ABCC6: variants seen among roughly 807,000 people sequenced by gnomAD.
ABCC6 encodes ATP-binding cassette sub-family C member 6.
Under a neutral mutation model 169.5 loss-of-function variants are expected in ABCC6, and 126 were observed. That is an observed-to-expected ratio of 0.74 (90% CI 0.64 to 0.86). The LOEUF is 0.86. Ranked by LOEUF, ABCC6 falls within the 40% of genes least tolerant of loss-of-function variation. The pLI is 0.00. For synonymous variants in ABCC6, 752 were observed against 814.7 expected, an observed-to-expected ratio of 0.92 and a Z score of 1.31; for missense variants, 1,733 against 1,927.2, an observed-to-expected ratio of 0.90 and a Z score of 1.89.
chr16:16,156,942 CAAAAA>C (rs33984541), intron 27 of ABCC6, among the ~76,000 whole-genome samples: 1 of 101,160 alleles, frequency 9.9e-6, no homozygotes, highest in Admixed American at 1.2e-4. Flanking sequence ...GACTCTGTCT[CAAAAA>C]AAAAAAAAAA....
chr16:16,175,832 G>T, intron 20 of ABCC6, 79 bp downstream of exon 20: 1 of 1,525,688 alleles, frequency 6.6e-7, no homozygotes, highest in Non-Finnish European at 9.0e-7. Context: ...CCGCCTAACT[G>T]CCCGAGATGC....
At chr16:16,176,044 C>A in intron 19 of ABCC6, 58 bp from the exon 20 acceptor site, 4 of 1,538,804 alleles carry the variant, frequency 2.6e-6, no homozygotes, top group Non-Finnish European at 2.7e-6. Flanking sequence ...CTTTGACACC[C>A]ACTGACTATG....
intron 20 of ABCC6, among the ~76,000 whole-genome samples, chr16:16,174,090 A>G (rs2047194688): frequency 6.6e-6 from 1 of 152,168 alleles, no homozygotes; most frequent in Non-Finnish European, 1.5e-5. Flanking sequence ...ATATCTACAT[A>G]TACATGTCTA....
chr16:16,188,953 C>T lies in ABCC6; in HGVS notation c.1657G>A (p.Val553Ile), dbSNP rs558508305. 8 of 1,614,050 alleles carry T rather than the reference C, an allele frequency of 5.0e-6. No individual in the cohort carries two copies. The South Asian group carries it at 7.7e-5, about 16-fold the overall frequency. ...TFLVALVVFAVHTLVAENAMN... is the reference protein window; with the variant it reads ...TFLVALVVFAIHTLVAENAMN... ...GCATTCTCGGCCACCAGAGTGTGGA[C>T]AGCAAACACCACCAGTGCGACCTGG... The change falls in exon 13 of 31, where the codon GTC becomes ATC. Residue 553 changes from valine to isoleucine, a missense_variant. This residue lies in a region of ABCC6 where 1,601 missense variants were observed against 1,635.5 expected (regional missense o/e 0.98). Transcript: ENST00000205557.
chr16:16,157,816 C>G lies in ABCC6; in HGVS notation c.3736-7G>C. ...TGGGCAGCCTCCAGGGAGCCTGGAG[C>G]AGGAGGGGAAACTGAGTCAGAGGAG... On this transcript the variant is annotated splice_polypyrimidine_tract_variant and splice_region_variant and intron_variant, in intron 26 of 30. Coordinates refer to ENST00000205557, the MANE Select transcript of ABCC6 (RefSeq NM_001171.6). The G allele has an allele frequency of 1.9e-6, 3 of 1,607,986 alleles. No individual in the cohort carries two copies. Among genetic ancestry groups the G allele is most frequent in the Non-Finnish European group, 2.5e-6 (3 of 1,178,738 alleles).
At chr16:16,194,468 G>A (rs1013799944) in intron 10 of ABCC6, among the ~76,000 whole-genome samples, 3 of 152,164 alleles carry the variant, frequency 2.0e-5, no homozygotes, top group Non-Finnish European at 4.4e-5. Context: ...CACCAACGTG[G>A]TGATTTTGGG....
At chr16:16,206,576 G>A (rs1317902009) in intron 7 of ABCC6, among the ~76,000 whole-genome samples, 1 of 151,960 alleles carries the variant, frequency 6.6e-6, no homozygotes, top group African/African-American at 2.4e-5. Context: ...AAATACTTCA[G>A]AAAGAAAACC....
At chr16:16,169,883 G>T in intron 21 of ABCC6, 30 bp from the exon 22 acceptor site, 2 of 1,549,070 alleles carry the variant, frequency 1.3e-6, no homozygotes. Flanking sequence ...GAGGGAGGCA[G>T]AGAGAGCCCC....
intron 17 of ABCC6, among the ~76,000 whole-genome samples, chr16:16,180,625 T>C (rs556151662): frequency 1.3e-5 from 2 of 152,252 alleles, no homozygotes; most frequent in Admixed American, 6.5e-5. Flanking sequence ...CCCAAGTAGC[T>C]GGGATTACAG....
intron 12 of ABCC6, among the ~76,000 whole-genome samples, chr16:16,189,347 T>G (rs2047762791): frequency 6.6e-6 from 1 of 151,954 alleles, no homozygotes; most frequent in Non-Finnish European, 1.5e-5. Context: ...CTAGAGTCCC[T>G]TGGAAGATGA....
At chr16:16,203,940 G>A (rs1194681604) in intron 7 of ABCC6, among the ~76,000 whole-genome samples, 2 of 152,180 alleles carry the variant, frequency 1.3e-5, no homozygotes, top group Non-Finnish European at 2.9e-5. Context: ...TTTCACAGAT[G>A]AGAAAACTGG....
rs2046796013 is a variant in ABCC6 at position 16,163,674 on chromosome 16, C to T, written c.3307-482G>A. ...CTCATGTAACCCAAGGGTTACATGC[C>T]AGGTGATGTGCAGAAAATATTCGTT... On this transcript the variant is annotated intron_variant, in intron 23 of 30. Coordinates refer to ENST00000205557, the MANE Select transcript of ABCC6 (RefSeq NM_001171.6). Among the ~76,000 whole-genome samples, 4 of 152,248 alleles carry T rather than the reference C, an allele frequency of 2.6e-5. No individual in the cohort carries two copies. In the South Asian group the frequency reaches 8.3e-4, roughly 32 times the overall value.
chr16:16,182,654 G>A (rs964715834), intron 16 of ABCC6, 66 bp from the exon 17 acceptor site: 35 of 1,594,628 alleles, frequency 2.2e-5, no homozygotes, highest in Non-Finnish European at 3.0e-5. Context: ...GTTTTGAGGA[G>A]CAGTGGGAGC....
chr16:16,158,191 C>A (rs1190063122), intron 26 of ABCC6, among the ~76,000 whole-genome samples: 1 of 152,116 alleles, frequency 6.6e-6, no homozygotes, highest in Non-Finnish European at 1.5e-5. Flanking sequence ...CTTGGTTTTC[C>A]AATCTGGGAA....
intron 30 of ABCC6, 124 bp from the exon 31 acceptor site, chr16:16,150,365 C>T: frequency 6.5e-7 from 1 of 1,542,680 alleles, no homozygotes; most frequent in Non-Finnish European, 8.8e-7. Flanking sequence ...ATGCGGCTCC[C>T]TGGCCCTCAC....
intron 13 of ABCC6, among the ~76,000 whole-genome samples, chr16:16,188,290 G>T (rs868160395): frequency 6.6e-6 from 1 of 151,764 alleles, no homozygotes; most frequent in African/African-American, 2.4e-5. Context: ...TACTTGGCAG[G>T]CTGGGGCAGG....
chr16:16,155,080 G>C, intron 27 of ABCC6, 49 bp from the exon 28 acceptor site: 1 of 1,531,194 alleles, frequency 6.5e-7, no homozygotes, highest in Non-Finnish European at 8.8e-7. Context: ...GGGTTTGTGG[G>C]CATTTATTGG....
Position 16,150,736 on chromosome 16 carries a change from G to C in ABCC6, c.4245C>G (p.Ala1415=), listed in dbSNP as rs749415846. 1 of 1,613,870 alleles carries C rather than the reference G, an allele frequency of 6.2e-7. No homozygotes were observed. The highest frequency in any genetic ancestry group is 1.1e-5 in the South Asian group (1 of 91,056). The change falls in exon 30 of 31, where the codon GCC becomes GCG. Residue 1415 remains alanine (A), a synonymous_variant. Coordinates refer to ENST00000205557, the MANE Select transcript of ABCC6 (RefSeq NM_001171.6). ...TGAGGATCTGGGTCTTCCGGAGAAG[G>C]GCACGTGCCAGACACAGGAGCTGTT... ...GQKQLLCLAR[A]LLRKTQILIL... is the part of the protein sequence containing the mutation.
intron 7 of ABCC6, among the ~76,000 whole-genome samples, chr16:16,207,619 G>A (rs1158904151): frequency 5.9e-5 from 9 of 152,060 alleles, no homozygotes; most frequent in Non-Finnish European, 1.3e-4. Context: ...ACAAAATCCC[G>A]GAGTATGCAG....
Sources: gnomAD v4.1 joint callset for allele counts (sites outside exome capture counted in the v4.1 genomes callset) on GRCh38, gnomAD v4.1.1 for gene constraint, gnomAD v4.1.1 regional missense constraint, MANE v1.5 for transcripts, NCBI Gene and HGNC (gene_info 2026-07-23, HGNC 2026-07-21) for gene names.